MYO5A: variants seen among roughly 807,000 people sequenced by gnomAD.
The protein encoded by MYO5A is unconventional myosin-Va.
In MYO5A, 98 loss-of-function variants were observed where a neutral mutation model predicts 249.7. The ratio of observed to expected loss-of-function variants is 0.39; its 90% CI spans 0.33 to 0.46. The LOEUF (loss-of-function observed/expected upper bound fraction) is 0.46. MYO5A is among the 20% of genes least tolerant of loss of function. The pLI, the probability that MYO5A is intolerant of heterozygous loss-of-function variation, is 0.98. For synonymous variants in MYO5A, 778 were observed against 810.6 expected (o/e 0.96, Z 0.68); for missense variants, 1,696 against 2,308.8 (o/e 0.73, Z 5.44).
At chr15:52,468,703 C>T (rs2076400129) in intron 1 of MYO5A, among the ~76,000 whole-genome samples, 1 of 151,918 alleles carries the variant, frequency 6.6e-6, no homozygotes, top group Admixed American at 6.6e-5. Flanking sequence ...TTAAAAGTTG[C>T]AAATTAAATT....
At chr15:52,448,423 C>T (rs546770933) in intron 1 of MYO5A, among the ~76,000 whole-genome samples, 1 of 152,238 alleles carries the variant, frequency 6.6e-6, no homozygotes, top group South Asian at 2.1e-4. Context: ...AAGTAACTAA[C>T]TTGTTTTTTA....
rs536733986 is a variant in MYO5A, at chr15:52,495,961, T to C, written c.27+32819A>G. On this transcript the variant is annotated intron_variant, in intron 1 of 41. Transcript: ENST00000399233. The stretch of plus-strand genomic sequence containing the variant: ...GTGGGAGGCAGGGGGAGGGATAGCA[T>C]TAGGAGAAAAACCTAATGTAAATGA... 2.0e-5 allele frequency among the ~76,000 whole-genome samples: 3 copies of C among 152,030 alleles called. No individual in the cohort carries two copies. The East Asian group carries it at 5.8e-4, about 29-fold the overall frequency.
At chr15:52,331,577 G>T in intron 34 of MYO5A, 1 of 689,760 alleles carries the variant, frequency 1.4e-6, no homozygotes, top group Non-Finnish European at 1.8e-6. Context: ...ACATTAGAAA[G>T]CTTAATATTG....
At chr15:52,369,096 T>TA (rs748715399) in intron 22 of MYO5A, among the ~76,000 whole-genome samples, 1 of 152,216 alleles carries the variant, frequency 6.6e-6, no homozygotes, top group Non-Finnish European at 1.5e-5. Context: ...GCTGTTTCTA[T>TA]ATATAGAGTA....
intron 1 of MYO5A, among the ~76,000 whole-genome samples, chr15:52,439,890 T>C (rs549449171): frequency 6.6e-6 from 1 of 152,272 alleles, no homozygotes; most frequent in South Asian, 2.1e-4. Context: ...CAAAGATTTG[T>C]GACAATTCAA....
chr15:52,355,715 T>C (rs891644318), intron 25 of MYO5A, among the ~76,000 whole-genome samples: 8 of 152,206 alleles, frequency 5.3e-5, no homozygotes, highest in Admixed American at 2.0e-4. Context: ...TTAGGTATTA[T>C]AAGTAATGTA....
intron 36 of MYO5A, 53 bp from the exon 37 acceptor site, chr15:52,323,497 T>TA (rs948946284): frequency 9.6e-5 from 132 of 1,371,148 alleles, no homozygotes; most frequent in African/African-American, 5.9e-4. Context: ...AATAACAACC[T>TA]AAAAAAAATT....
intron 25 of MYO5A, 115 bp downstream of exon 25, chr15:52,359,853 A>G: frequency 1.3e-6 from 1 of 767,146 alleles, no homozygotes; most frequent in Non-Finnish European, 2.3e-6. Flanking sequence ...AGAATAAATG[A>G]TTCAAACAAA....
chr15:52,397,747 T>G (rs952090683), intron 9 of MYO5A, among the ~76,000 whole-genome samples: 16 of 152,186 alleles, frequency 1.1e-4, no homozygotes, highest in African/African-American at 3.6e-4. Flanking sequence ...TCTTCATTCA[T>G]TCAGTCAAAA....
intron 4 of MYO5A, among the ~76,000 whole-genome samples, chr15:52,419,618 T>C (rs1373189316): frequency 6.6e-6 from 1 of 152,200 alleles, no homozygotes; most frequent in African/African-American, 2.4e-5. Flanking sequence ...CTGGCACTGT[T>C]GAACGCTTTA....
rs1191778603 is a variant in MYO5A at position 52,312,877 on chromosome 15, T to C, written c.*819A>G. On this transcript the variant is annotated 3_prime_UTR_variant, in exon 42 of 42. Transcript: ENST00000399233. ...CACTTTGTCTAATCCTACCCCTAAA[T>C]GTCAAGCATTTTGTCATATTACTAC... is the stretch of plus-strand genomic sequence containing the variant. 1.3e-5 allele frequency: 2 copies of C among 152,342 alleles called. No individual in the cohort carries two copies. Among genetic ancestry groups the C allele is most frequent in the Non-Finnish European group, 2.9e-5 (2 of 68,036 alleles). The allele number at this position is 152,342 out of a possible 1,614,324, so 9.4% of individuals were successfully genotyped here.
At chr15:52,446,688 T>C (rs2075898117) in intron 1 of MYO5A, among the ~76,000 whole-genome samples, 2 of 152,176 alleles carry the variant, frequency 1.3e-5, no homozygotes, top group Admixed American at 6.5e-5. Flanking sequence ...AGAACAGCCC[T>C]AGGGGCTGAA....
intron 1 of MYO5A, among the ~76,000 whole-genome samples, chr15:52,437,591 T>G (rs1473764996): frequency 2.4e-5 from 2 of 82,292 alleles, no homozygotes; most frequent in Non-Finnish European, 4.0e-5. Context: ...CAAGACTCCA[T>G]CTCAAAAAAA....
At chr15:52,320,319 A>G (rs1402706884) in intron 38 of MYO5A, among the ~76,000 whole-genome samples, 2 of 152,214 alleles carry the variant, frequency 1.3e-5, no homozygotes, top group Admixed American at 1.3e-4. Flanking sequence ...AATTGTGCTA[A>G]ACACAGATTC....
At position 52,457,918 on chromosome 15, in the gene MYO5A, C is replaced by T. The variant is rs562721686; in HGVS notation, c.28-24633G>A. On this transcript the variant is annotated intron_variant, in intron 1 of 41. Coordinates refer to ENST00000399233, the MANE Select transcript of MYO5A (RefSeq NM_001382347.1). ...TATGTATACATAATAGAATACTATTCGGCCATAAAAAAGAATAAAATCTTG... is the reference window on the plus strand; with the variant it reads ...TATGTATACATAATAGAATACTATTTGGCCATAAAAAAGAATAAAATCTTG... Among the ~76,000 whole-genome samples the T allele has an allele frequency of 2.8e-3, 426 of 152,052 alleles. 1 individual carries two copies. Among genetic ancestry groups the T allele is most frequent in the Non-Finnish European group, 5.0e-3 (340 of 67,980 alleles).
intron 20 of MYO5A, among the ~76,000 whole-genome samples, chr15:52,373,251 C>A (rs1201853666): frequency 6.6e-6 from 1 of 151,940 alleles, no homozygotes; most frequent in African/African-American, 2.4e-5. Flanking sequence ...TAAAGAGCAC[C>A]AAAAAGACAC....
intron 8 of MYO5A, among the ~76,000 whole-genome samples, chr15:52,406,248 C>T (rs540786284): frequency 4.6e-5 from 7 of 152,276 alleles, no homozygotes; most frequent in African/African-American, 1.7e-4. Context: ...TTTTTACCAT[C>T]TCCTGCATTA....
intron 30 of MYO5A, 34 bp from the exon 31 acceptor site, chr15:52,343,231 A>G: frequency 6.5e-7 from 1 of 1,546,340 alleles, no homozygotes; most frequent in South Asian, 1.1e-5. Flanking sequence ...TGCAAAACAC[A>G]AAAGGATACA....
At chr15:52,441,844 T>C (rs889952556) in intron 1 of MYO5A, among the ~76,000 whole-genome samples, 1 of 152,198 alleles carries the variant, frequency 6.6e-6, no homozygotes, top group African/African-American at 2.4e-5. Flanking sequence ...TTTTTCAACT[T>C]TGTCTATTCA....
Sources: gnomAD v4.1 joint callset for allele counts (sites outside exome capture counted in the v4.1 genomes callset) on GRCh38, gnomAD v4.1.1 for gene constraint, MANE v1.5 for transcripts, NCBI Gene and HGNC (gene_info 2026-07-23, HGNC 2026-07-21) for gene names.